The following NTM variants were observed in gnomAD, a reference collection of about 807,000 sequenced individuals.
NTM encodes the protein IgLON family member 2.
Under a neutral mutation model 42.1 loss-of-function variants are expected in NTM, and 13 were observed. That is an observed-to-expected ratio of 0.31 (90% CI 0.20 to 0.49). The LOEUF (loss-of-function observed/expected upper bound fraction) is 0.49, where lower values mean the gene tolerates loss of function less well. NTM is among the 20% of genes least tolerant of loss of function. The pLI, the probability that NTM is intolerant of heterozygous loss-of-function variation, is 0.99. For missense variants in NTM, 373 were observed against 452.8 expected, an observed-to-expected ratio of 0.82 and a Z score of 1.60; for synonymous variants, 187 against 179.2, an observed-to-expected ratio of 1.04 and a Z score of -0.35.
chr11:132,297,243 A>G (rs1252962918), intron 4 of NTM, among the ~76,000 whole-genome samples: 1 of 152,222 alleles, frequency 6.6e-6, no homozygotes, highest in Non-Finnish European at 1.5e-5. Flanking sequence ...TGTCTTAACT[A>G]TAGATTTGAC....
At chr11:132,209,466 G>T (rs2082490008) in intron 3 of NTM, among the ~76,000 whole-genome samples, 1 of 152,234 alleles carries the variant, frequency 6.6e-6, no homozygotes, top group Admixed American at 6.5e-5. Flanking sequence ...GAAGCTCAAT[G>T]AGGATGGAAA....
At chr11:131,944,422 CAT>C (rs954718879) in intron 2 of NTM, among the ~76,000 whole-genome samples, 1 of 152,310 alleles carries the variant, frequency 6.6e-6, no homozygotes, top group African/African-American at 2.4e-5. Context: ...ATGCACAAAA[CAT>C]AGGGAACACA....
chr11:131,851,829 A>C (rs951727565), intron 1 of NTM, among the ~76,000 whole-genome samples: 1 of 152,190 alleles, frequency 6.6e-6, no homozygotes, highest in Non-Finnish European at 1.5e-5. Flanking sequence ...CTTTAGTAAA[A>C]TAGGAGGCAG....
chr11:132,042,021 G>T (rs775143942), intron 2 of NTM, among the ~76,000 whole-genome samples: 11 of 152,326 alleles, frequency 7.2e-5, no homozygotes, highest in Admixed American at 5.2e-4. Context: ...AGGATTGTAA[G>T]CTAATTATCC....
intron 3 of NTM, among the ~76,000 whole-genome samples, chr11:132,162,591 TTGTG>T (rs1429278708): frequency 8.6e-5 from 12 of 139,676 alleles, no homozygotes; most frequent in African/African-American, 3.2e-4. Flanking sequence ...GTGTGTGTGT[TTGTG>T]GGGCATGTGT....
intron 3 of NTM, among the ~76,000 whole-genome samples, chr11:132,193,633 A>T (rs1197937105): frequency 6.6e-6 from 1 of 152,056 alleles, no homozygotes; most frequent in African/African-American, 2.4e-5. Flanking sequence ...CCAAACGCCA[A>T]AGATAACAGA....
intron 4 of NTM, among the ~76,000 whole-genome samples, chr11:132,261,065 T>A (rs773852775): frequency 2.2e-4 from 34 of 152,216 alleles, no homozygotes; most frequent in Admixed American, 9.8e-4. Context: ...TGCACATGTC[T>A]GTTAGCCTGA....
At chr11:132,044,590 A>G (rs1462397823) in intron 2 of NTM, among the ~76,000 whole-genome samples, 1 of 152,166 alleles carries the variant, frequency 6.6e-6, no homozygotes, top group African/African-American at 2.4e-5. Flanking sequence ...AACTGAGGGA[A>G]GCAACAAGCT....
chr11:132,243,243 A>G (rs1264535349), intron 4 of NTM, among the ~76,000 whole-genome samples: 1 of 152,244 alleles, frequency 6.6e-6, no homozygotes, highest in African/African-American at 2.4e-5. Context: ...GCTTTCTGGA[A>G]GAGCTTGGTA....
intron 1 of NTM, among the ~76,000 whole-genome samples, chr11:131,425,917 G>A (rs529208022): frequency 7.9e-5 from 12 of 152,226 alleles, no homozygotes; most frequent in African/African-American, 2.6e-4. Flanking sequence ...TTGTGTTGAG[G>A]AAGACAGTAA....
chr11:131,874,503 T>C (rs1350600750), intron 1 of NTM, among the ~76,000 whole-genome samples: 2 of 152,232 alleles, frequency 1.3e-5, no homozygotes, highest in Non-Finnish European at 2.9e-5. Flanking sequence ...CCAGAGTTTA[T>C]ATTTCAATTG....
At chr11:132,081,036 G>C (rs1227726795) in intron 2 of NTM, among the ~76,000 whole-genome samples, 3 of 152,198 alleles carry the variant, frequency 2.0e-5, no homozygotes, top group East Asian at 1.9e-4. Context: ...AGTAAGATAA[G>C]TATATAAAAG....
At chr11:132,195,887 T>C (rs1048766970) in intron 3 of NTM, among the ~76,000 whole-genome samples, 2 of 152,164 alleles carry the variant, frequency 1.3e-5, no homozygotes, top group Admixed American at 6.6e-5. Flanking sequence ...CTCCTGGACA[T>C]TGGCCTTGGC....
chr11:131,653,338 C>T (rs1017947264), intron 1 of NTM, among the ~76,000 whole-genome samples: 3 of 152,114 alleles, frequency 2.0e-5, no homozygotes, highest in African/African-American at 7.2e-5. Flanking sequence ...TCACAGTCTT[C>T]CTTGCTTCCA....
intron 4 of NTM, among the ~76,000 whole-genome samples, chr11:132,241,318 C>A (rs2090149387): frequency 6.6e-6 from 1 of 152,070 alleles, no homozygotes; most frequent in African/African-American, 2.4e-5. Context: ...TTCCTTTTGG[C>A]ATATAAAGCC....
At chr11:131,465,011 G>A (rs1033410897) in intron 1 of NTM, among the ~76,000 whole-genome samples, 4 of 152,180 alleles carry the variant, frequency 2.6e-5, no homozygotes, top group African/African-American at 7.2e-5. Flanking sequence ...CGTTTTACAC[G>A]TATACACATG....
At position 131,498,354 on chromosome 11, in the gene NTM, T is replaced by C. The variant is rs149722253; in HGVS notation, c.82+127466T>C. 2.9e-3 allele frequency among the ~76,000 whole-genome samples: 445 copies of C among 152,302 alleles called. 3 individuals are homozygous for C. Among genetic ancestry groups the C allele is most frequent in the African/African-American group, 9.5e-3 (395 of 41,564 alleles). ...AGTGGCTGGGAAGAAGAATACACACTTGGCTTGGCATGTAGCTAACATTTA... is the reference window on the plus strand; with the variant it reads ...AGTGGCTGGGAAGAAGAATACACACCTGGCTTGGCATGTAGCTAACATTTA... On this transcript the variant is annotated intron_variant, in intron 1 of 8. Coordinates refer to ENST00000683400, the MANE Select transcript of NTM (RefSeq NM_001352005.2).
At chr11:131,800,122 G>A (rs1351414332) in intron 1 of NTM, among the ~76,000 whole-genome samples, 1 of 152,106 alleles carries the variant, frequency 6.6e-6, no homozygotes. Context: ...TGATGCTGAA[G>A]GAATTGAAGC....
At chr11:132,288,860 A>G (rs1233472508) in intron 4 of NTM, among the ~76,000 whole-genome samples, 1 of 152,092 alleles carries the variant, frequency 6.6e-6, no homozygotes, top group Non-Finnish European at 1.5e-5. Context: ...GCCTCAGGTG[A>G]TCCACCCGCC....
Sources: gnomAD v4.1 joint callset for allele counts (sites outside exome capture counted in the v4.1 genomes callset) on GRCh38, gnomAD v4.1.1 for gene constraint, MANE v1.5 for transcripts, NCBI Gene and HGNC (gene_info 2026-07-23, HGNC 2026-07-21) for gene names.